MAP6: variants seen among roughly 807,000 people sequenced by gnomAD.
MAP6 encodes microtubule-associated protein 6.
MAP6 carries 26 observed loss-of-function variants against 42.4 expected under a neutral mutation model. The ratio of observed to expected loss-of-function variants is 0.61; its 90% CI spans 0.45 to 0.85. The LOEUF is 0.85. Ranked by LOEUF, MAP6 falls within the 40% of genes least tolerant of loss-of-function variation. The probability of loss-of-function intolerance (pLI) is 0.00; values close to 1 mark genes in which losing one functional copy is unlikely to be tolerated. For missense variants in MAP6, 966 were observed against 1,099.0 expected (o/e 0.88, Z 1.71); for synonymous variants, 418 against 443.8 (o/e 0.94, Z 0.73).
intron 3 of MAP6, chr11:75,602,900 GT>G: frequency 1.0e-6 from 1 of 983,206 alleles, no homozygotes; most frequent in Non-Finnish European, 1.2e-6. Context: ...TGGAAAAACT[GT>G]TTGTTTGTTT....
chr11:75,665,952 C>G (rs1348951753), intron 1 of MAP6, among the ~76,000 whole-genome samples: 2 of 152,090 alleles, frequency 1.3e-5, no homozygotes, highest in Non-Finnish European at 2.9e-5. Context: ...CAGATTTTCT[C>G]TTAACATGAA....
chr11:75,587,557 C>T lies in MAP6; in HGVS notation c.1944G>A (p.Lys648=), dbSNP rs547562. The change falls in exon 4 of 4, where the codon AAG becomes AAA. Residue 648 remains lysine (K), a synonymous_variant. Coordinates refer to ENST00000304771, the MANE Select transcript of MAP6 (RefSeq NM_033063.2). ...DQDPMVPEHP[K]DESAMATAPI... ...GTGCTGTGGCCATGGCACTTTCATC[C>T]TTCGGATGCTCTGGGACCATGGGAT... 2 of 1,614,210 alleles carry T rather than the reference C, an allele frequency of 1.2e-6. No homozygotes were observed. The highest frequency in any genetic ancestry group is 1.7e-6 in the Non-Finnish European group (2 of 1,180,034).
chr11:75,655,436 A>G (rs1943730595), intron 1 of MAP6, among the ~76,000 whole-genome samples: 1 of 152,226 alleles, frequency 6.6e-6, no homozygotes, highest in South Asian at 2.1e-4. Context: ...GCTGAGGTCC[A>G]TATGATTTTA....
Position 75,668,156 on chromosome 11 carries a change from C to A in MAP6, c.214G>T (p.Ala72Ser), listed in dbSNP as rs1157035119. 8.2e-7 allele frequency: 1 copy of A among 1,224,216 alleles called. No individual in the cohort carries two copies. The highest frequency in any genetic ancestry group is 1.0e-6 in the Non-Finnish European group (1 of 988,912). The allele number at this position is 1,224,216 out of a possible 1,614,324, so 75.8% of individuals were successfully genotyped here. A position where few individuals can be genotyped will look rare whatever the true frequency, so the allele number is the denominator to read the frequency against. Reference protein sequence around the residue: ...ARAVAIETQPAQGELDAVARA... With the variant: ...ARAVAIETQPSQGELDAVARA... Reference sequence around the variant, plus strand: ...GCAACTGCATCCAACTCGCCCTGGGCTGGCTGCGTCTCTATGGCAACCGCG... The same window carrying A: ...GCAACTGCATCCAACTCGCCCTGGGATGGCTGCGTCTCTATGGCAACCGCG... Residue 72 changes from alanine (A) to serine (S), a missense_variant, in exon 1 of 4, where the codon GCC (alanine) becomes TCC (serine). Physicochemically the swap from Ala to Ser is moderately conservative, Grantham distance 99. Around this residue, in one of 2 missense-constraint regions of MAP6, gnomAD observed 943 missense variants for 1,049.9 expected, o/e 0.90. Coordinates refer to ENST00000304771, the MANE Select transcript of MAP6 (RefSeq NM_033063.2).
intron 1 of MAP6, among the ~76,000 whole-genome samples, chr11:75,664,451 CTG>C (rs908532457): frequency 6.6e-6 from 1 of 152,222 alleles, no homozygotes; most frequent in Non-Finnish European, 1.5e-5. Context: ...ACATGATGGA[CTG>C]TGTGTCCCTT....
Position 75,667,710 on chromosome 11 carries a change from G to A in MAP6, c.660C>T (p.Gly220=). The A allele has an allele frequency of 7.8e-7, 1 of 1,284,996 alleles. No individual in the cohort carries two copies. The highest frequency in any genetic ancestry group is 9.8e-7 in the Non-Finnish European group (1 of 1,019,636). 79.6% of individuals were successfully genotyped at this position (1,284,996 alleles called of 1,614,324 possible). A position where few individuals can be genotyped will look rare whatever the true frequency, so the allele number is the denominator to read the frequency against. ...TTCCGGCCGCCAGGCCACCCGCTCC[G>A]CCGGGGGCCGCCTCCTGCTCCCGGG... ...AEAREQEAAP[G]GAGGLAAGKA... Residue 220 remains glycine, a synonymous_variant, in exon 1 of 4, where the codon GGC becomes GGT. Transcript: ENST00000304771. This position sits in a 1 kb window ranked among gnomAD's most constrained non-coding sequence, Gnocchi z 5.6.
chr11:75,607,315 T>C, intron 2 of MAP6: 1 of 985,452 alleles, frequency 1.0e-6, no homozygotes, highest in Non-Finnish European at 1.2e-6. Context: ...TTATTTAAGT[T>C]CTCAGGCATT....
At chr11:75,630,376 C>T (rs142965049) in intron 1 of MAP6, among the ~76,000 whole-genome samples, 167 of 152,220 alleles carry the variant, frequency 1.1e-3, no homozygotes, top group African/African-American at 3.7e-3. Flanking sequence ...CAGGAATCAC[C>T]AGCTTAATTG....
chr11:75,625,443 A>T (rs76866975), intron 1 of MAP6, among the ~76,000 whole-genome samples: 1 of 152,166 alleles, frequency 6.6e-6, no homozygotes, highest in East Asian at 1.9e-4. Context: ...AGAGAAGAGA[A>T]GAGGATGTTG....
chr11:75,609,563 G>A (rs1018079202), intron 1 of MAP6, among the ~76,000 whole-genome samples: 1 of 152,182 alleles, frequency 6.6e-6, no homozygotes, highest in African/African-American at 2.4e-5. Flanking sequence ...CCTGCTCTGA[G>A]CATTCGTTTT....
chr11:75,604,847 A>G (rs1043821742), intron 3 of MAP6: 6 of 985,368 alleles, frequency 6.1e-6, no homozygotes, highest in South Asian at 4.7e-5. Flanking sequence ...CTCTCTGAGG[A>G]GCAGACCAGA....
chr11:75,598,549 C>G (rs1942620011), intron 3 of MAP6, among the ~76,000 whole-genome samples: 2 of 152,252 alleles, frequency 1.3e-5, no homozygotes, highest in African/African-American at 4.8e-5. Flanking sequence ...TGACTGCTCT[C>G]TGGTCTGCAG....
chr11:75,598,526 T>G (rs611221), intron 3 of MAP6, among the ~76,000 whole-genome samples: 109,773 of 152,200 alleles, frequency 0.72, 39,864 homozygotes, highest in African/African-American at 0.79. Context: ...CCAGCCAGTA[T>G]AAAACCAGCC....
At chr11:75,589,940 G>A (rs983929250) in intron 3 of MAP6, among the ~76,000 whole-genome samples, 2 of 152,136 alleles carry the variant, frequency 1.3e-5, no homozygotes, top group Non-Finnish European at 2.9e-5. Flanking sequence ...TCTCAGCAGA[G>A]TCCACACAGC....
intron 3 of MAP6, chr11:75,605,299 T>C: frequency 1.0e-6 from 1 of 986,152 alleles, no homozygotes; most frequent in Non-Finnish European, 1.2e-6. Context: ...GTTTCTTTTT[T>C]TGTTATTTTT....
At chr11:75,633,883 ATCT>A (rs1248667159) in intron 1 of MAP6, among the ~76,000 whole-genome samples, 3 of 152,198 alleles carry the variant, frequency 2.0e-5, no homozygotes, top group Non-Finnish European at 4.4e-5. Flanking sequence ...ATTTGGTTTA[ATCT>A]TCTGTGCGAT....
intron 1 of MAP6, among the ~76,000 whole-genome samples, chr11:75,654,986 CT>C (rs1190985878): frequency 2.0e-5 from 3 of 152,194 alleles, no homozygotes; most frequent in Non-Finnish European, 4.4e-5. Flanking sequence ...TGTTGCGCCC[CT>C]AGAGAACTCT....
At chr11:75,624,455 C>T (rs191675463) in intron 1 of MAP6, among the ~76,000 whole-genome samples, 18 of 152,240 alleles carry the variant, frequency 1.2e-4, no homozygotes, top group Admixed American at 1.2e-3. Flanking sequence ...AGGCTGGAGG[C>T]CCCCTGGCTC....
rs559985887 is a variant in MAP6, at chr11:75,642,913, G to A, written c.905+24552C>T. 2.3e-4 allele frequency: 113 copies of A among 487,122 alleles called. 1 individual carries two copies. Among genetic ancestry groups the A allele is most frequent in the Middle Eastern group, 2.2e-3 (3 of 1,394 alleles). 30.2% of individuals were successfully genotyped at this position (487,122 alleles called of 1,614,324 possible). On this transcript the variant is annotated intron_variant, in intron 1 of 3. Transcript: ENST00000304771. Reference sequence around the variant, plus strand: ...TTCATCTCAAGCATTTCAATGATTAGTCAGCACAATAAATGTTCTGGTTAA... The same window carrying A: ...TTCATCTCAAGCATTTCAATGATTAATCAGCACAATAAATGTTCTGGTTAA...
Sources: gnomAD v4.1 joint callset for allele counts (sites outside exome capture counted in the v4.1 genomes callset) on GRCh38, gnomAD v4.1.1 for gene constraint, gnomAD v4.1.1 regional missense constraint, Gnocchi (gnomAD v3.1) non-coding constraint, MANE v1.5 for transcripts, NCBI Gene and HGNC (gene_info 2026-07-23, HGNC 2026-07-21) for gene names.